RBM20: variants seen among roughly 807,000 people sequenced by gnomAD.
RBM20 encodes the protein RNA binding motif protein 20.
RBM20 carries 51 observed loss-of-function variants against 110.1 expected under a neutral mutation model. The observed-to-expected ratio is 0.46, with a 90% CI of 0.37 to 0.59. RBM20 has a LOEUF of 0.59. RBM20 is among the 20% of genes least tolerant of loss of function. RBM20 has a pLI of 0.00. For missense variants in RBM20, 1,512 were observed against 1,574.9 expected (o/e 0.96, Z 0.68); for synonymous variants, 589 against 618.2 (o/e 0.95, Z 0.70).
At chr10:110,833,391 A>AAAAAAAAAAAAAAAAAC in intron 13 of RBM20, among the ~76,000 whole-genome samples, 1 of 28,942 alleles carries the variant, frequency 3.5e-5, no homozygotes, top group Non-Finnish European at 1.1e-4. Context: ...TCTGTCTCAG[A>AAAAAAAAAAAAAAAAAC]AAAAAAAAAA....
chr10:110,697,962 C>T (rs539662478), intron 1 of RBM20, among the ~76,000 whole-genome samples: 1 of 149,584 alleles, frequency 6.7e-6, no homozygotes, highest in African/African-American at 2.5e-5. Context: ...GGCTGGAGTG[C>T]AGTGGTGCGA....
In RBM20 at chr10:110,781,745, G is replaced by A. The variant is rs577020509; in HGVS notation, c.1136G>A (p.Gly379Glu). Residue 379 changes from glycine (G) to glutamate (E), a missense_variant, in exon 2 of 14, where the codon GGG (glycine) becomes GAG (glutamate). By Grantham distance (98) the Gly-to-Glu change is moderately conservative. This residue lies in a region of RBM20 where 1,149 missense variants were observed against 1,169.4 expected (regional missense o/e 0.98). Transcript: ENST00000369519. ...NNSKQGFIGA[G>E]RRAKEDQALL... is the part of the protein sequence containing the mutation. ...AGCAAACAGGGTTTTATCGGTGCTG[G>A]GCGGAGGGCCAAGGAGGACCAGGCG... 5 of 1,551,876 alleles carry A rather than the reference G, an allele frequency of 3.2e-6. No homozygotes were observed. In the African/African-American group the frequency reaches 6.8e-5, roughly 21 times the overall value.
At chr10:110,761,476 T>A (rs554772448) in intron 1 of RBM20, among the ~76,000 whole-genome samples, 89 of 126,610 alleles carry the variant, frequency 7.0e-4, no homozygotes, top group African/African-American at 2.4e-3. Flanking sequence ...TAGTATGTCC[T>A]TAAGTTCCTG....
chr10:110,737,558 G>A (rs1843684923), intron 1 of RBM20, among the ~76,000 whole-genome samples: 1 of 151,500 alleles, frequency 6.6e-6, no homozygotes, highest in African/African-American at 2.4e-5. Flanking sequence ...TACCTTTTGA[G>A]TCACTCTTCA....
intron 13 of RBM20, among the ~76,000 whole-genome samples, chr10:110,831,787 G>T (rs4918603): frequency 0.97 from 147,951 of 152,192 alleles, 72,032 homozygotes; most frequent in East Asian, 1. Flanking sequence ...AGGGATACTG[G>T]AACAACAACA....
At chr10:110,711,075 C>A (rs987194042) in intron 1 of RBM20, among the ~76,000 whole-genome samples, 3 of 151,916 alleles carry the variant, frequency 2.0e-5, no homozygotes, top group Admixed American at 2.0e-4. Flanking sequence ...TGATTAGACT[C>A]CAGCCGGGCG....
At chr10:110,644,089 C>A (rs964185557), upstream of RBM20, among the ~76,000 whole-genome samples, 4 of 152,200 alleles carry the variant, frequency 2.6e-5, no homozygotes, top group African/African-American at 7.2e-5. This position sits in a 1 kb window ranked among gnomAD's most constrained non-coding sequence, Gnocchi z 4.3. Context: ...GGCTACGGAC[C>A]CTGAGGGTGC....
chr10:110,793,962 C>A (rs1844516459), intron 5 of RBM20, among the ~76,000 whole-genome samples: 1 of 152,176 alleles, frequency 6.6e-6, no homozygotes, highest in South Asian at 2.1e-4. Context: ...TATAAGAGAG[C>A]CCGGGTTGGG....
chr10:110,760,266 A>C (rs1843978745), intron 1 of RBM20, among the ~76,000 whole-genome samples: 1 of 152,082 alleles, frequency 6.6e-6, no homozygotes, highest in South Asian at 2.1e-4. Context: ...TCCCATGCAC[A>C]TGTGCATTGC....
At chr10:110,661,550 C>G (rs1405107829) in intron 1 of RBM20, among the ~76,000 whole-genome samples, 3 of 152,184 alleles carry the variant, frequency 2.0e-5, no homozygotes, top group African/African-American at 7.2e-5. Context: ...CGGACCATCT[C>G]TGGGTACGGA....
intron 5 of RBM20, among the ~76,000 whole-genome samples, chr10:110,791,695 C>T (rs1024649399): frequency 2.6e-5 from 4 of 152,164 alleles, no homozygotes; most frequent in African/African-American, 9.7e-5. Flanking sequence ...AGGTGCAGCC[C>T]CCGCATGTGA....
intron 1 of RBM20, among the ~76,000 whole-genome samples, chr10:110,762,317 C>T (rs919577590): frequency 2.0e-5 from 3 of 152,214 alleles, no homozygotes; most frequent in Non-Finnish European, 4.4e-5. Flanking sequence ...CCCACTCCTT[C>T]CTTGCCTGGC....
At chr10:110,810,824 C>CGT (rs1023537902) in intron 8 of RBM20, among the ~76,000 whole-genome samples, 3 of 142,044 alleles carry the variant, frequency 2.1e-5, no homozygotes, top group South Asian at 2.4e-4. Context: ...TGCGTGTGTG[C>CGT]GTGTGTGTGT....
At chr10:110,796,833 A>G (rs1187481832) in intron 5 of RBM20, among the ~76,000 whole-genome samples, 2 of 152,204 alleles carry the variant, frequency 1.3e-5, no homozygotes, top group East Asian at 1.9e-4. Context: ...TGATTGAGCC[A>G]TCCTTTACTC....
At chr10:110,689,079 GT>G (rs1862547871) in intron 1 of RBM20, among the ~76,000 whole-genome samples, 1 of 152,074 alleles carries the variant, frequency 6.6e-6, no homozygotes. Flanking sequence ...ACCTGCTGTT[GT>G]ATGAAATAAT....
At chr10:110,756,812 T>C (rs1323796093) in intron 1 of RBM20, 1 of 152,252 alleles carries the variant, frequency 6.6e-6, no homozygotes, top group African/African-American at 2.4e-5. Flanking sequence ...TAATGGATAC[T>C]GGAATTTGAA....
At chr10:110,690,397 C>A (rs1437177407) in intron 1 of RBM20, among the ~76,000 whole-genome samples, 1 of 151,434 alleles carries the variant, frequency 6.6e-6, no homozygotes, top group East Asian at 1.9e-4. Flanking sequence ...TAGAGCAAGA[C>A]CCTGTCTCAA....
intron 7 of RBM20, among the ~76,000 whole-genome samples, chr10:110,800,986 T>C (rs1458481070): frequency 6.6e-6 from 1 of 152,224 alleles, no homozygotes; most frequent in East Asian, 1.9e-4. Flanking sequence ...CATCCTGGTA[T>C]ATATGCACTT....
chr10:110,791,573 A>G (rs527452416), intron 5 of RBM20, among the ~76,000 whole-genome samples: 3 of 152,338 alleles, frequency 2.0e-5, no homozygotes, highest in Admixed American at 6.5e-5. Flanking sequence ...ATCTTCATAT[A>G]CAAGTCTGTT....
Sources: allele counts gnomAD v4.1 joint callset (sites outside exome capture counted in the v4.1 genomes callset), GRCh38; gene constraint gnomAD v4.1.1; regional missense constraint gnomAD v4.1.1; non-coding constraint Gnocchi (gnomAD v3.1); transcripts MANE v1.5; gene names NCBI Gene and HGNC (gene_info 2026-07-23, HGNC 2026-07-21).